TRDN: variants seen among roughly 807,000 people sequenced by gnomAD.
TRDN encodes the protein triadin in skeletal muscle.
A neutral mutation model predicts 149.7 loss-of-function variants in TRDN; 161 were observed. The observed-to-expected ratio is 1.08, with a 90% CI of 0.95 to 1.23. TRDN has a LOEUF of 1.23. Among genes scored for constraint, TRDN ranks in the 50% most tolerant of loss-of-function variants. The probability of loss-of-function intolerance (pLI) is 0.00; values close to 1 mark genes in which losing one functional copy is unlikely to be tolerated. For synonymous variants in TRDN, 294 were observed against 250.5 expected (o/e 1.17, Z -1.64); for missense variants, 896 against 823.5 (o/e 1.09, Z -1.08).
At chr6:123,556,000 G>A (rs1022864584) in intron 2 of TRDN, among the ~76,000 whole-genome samples, 12 of 151,968 alleles carry the variant, frequency 7.9e-5, no homozygotes, top group African/African-American at 2.9e-4. Context: ...AACTAAATAT[G>A]TAGGATAAAA....
intron 27 of TRDN, 99 bp downstream of exon 27, chr6:123,274,542 A>C (rs2114618679): frequency 9.9e-7 from 1 of 1,014,814 alleles, no homozygotes. Context: ...CTTGGAGACT[A>C]TGTGCATGTC....
intron 24 of TRDN, 130 bp downstream of exon 24, chr6:123,316,327 C>A (rs1779019583): frequency 2.4e-6 from 2 of 823,634 alleles, no homozygotes; most frequent in Non-Finnish European, 4.0e-6. Flanking sequence ...TGGCACATAG[C>A]ATCAGTATTT....
chr6:123,272,945 A>G lies in TRDN; in HGVS notation c.1672+19T>C, dbSNP rs766887112. On this transcript the variant is annotated intron_variant, in intron 29 of 40. Transcript: ENST00000334268. ...CATTGAGAGGTTATTTGAGACTACA[A>G]ATACCACCTGCAAAATACCTGGTTT... is the stretch of plus-strand genomic sequence containing the variant. 4.0e-6 allele frequency: 6 copies of G among 1,516,026 alleles called. No homozygotes were observed. 93.9% of individuals were successfully genotyped at this position (1,516,026 alleles called of 1,614,324 possible).
chr6:123,589,388 AG>A (rs5879688), intron 1 of TRDN, among the ~76,000 whole-genome samples: 41,651 of 152,098 alleles, frequency 0.27, 6,208 homozygotes, highest in East Asian at 0.54. Flanking sequence ...AACTTTACCT[AG>A]CCCCAGCATT....
chr6:123,297,159 T>C (rs1182482249), intron 24 of TRDN, among the ~76,000 whole-genome samples: 1 of 152,060 alleles, frequency 6.6e-6, no homozygotes. Flanking sequence ...CCATTATTTT[T>C]AAAGTTTTTT....
chr6:123,393,545 A>G, intron 13 of TRDN, 79 bp downstream of exon 13: 1 of 1,357,184 alleles, frequency 7.4e-7, no homozygotes, highest in Non-Finnish European at 1.0e-6. Context: ...TTCTGCAATA[A>G]ACAGCTTTTG....
At chr6:123,561,194 G>A (rs556274416) in intron 2 of TRDN, among the ~76,000 whole-genome samples, 34 of 152,208 alleles carry the variant, frequency 2.2e-4, no homozygotes, top group African/African-American at 6.5e-4. Flanking sequence ...TATACAGTCC[G>A]ATAGTGGACT....
chr6:123,618,981 A>G (rs1785243047), intron 1 of TRDN, among the ~76,000 whole-genome samples: 2 of 152,196 alleles, frequency 1.3e-5, no homozygotes, highest in Admixed American at 6.6e-5. Flanking sequence ...AAATAAATCA[A>G]TGATGAAACT....
chr6:123,265,862 A>C (rs1776934222), intron 32 of TRDN, among the ~76,000 whole-genome samples: 1 of 147,170 alleles, frequency 6.8e-6, no homozygotes, highest in Middle Eastern at 3.4e-3. Context: ...AAAAAATCGT[A>C]AAGACATTCT....
chr6:123,563,207 A>C (rs1782094177), intron 2 of TRDN, among the ~76,000 whole-genome samples: 1 of 152,246 alleles, frequency 6.6e-6, no homozygotes, highest in South Asian at 2.1e-4. Context: ...AAATAGATGT[A>C]TATTTCACCT....
chr6:123,402,665 C>T (rs192013565), intron 12 of TRDN, among the ~76,000 whole-genome samples: 1 of 152,154 alleles, frequency 6.6e-6, no homozygotes, highest in Non-Finnish European at 1.5e-5. Flanking sequence ...TAAAAGTGTC[C>T]ATGATTGTCT....
At chr6:123,597,389 T>TA (rs1784086586) in intron 1 of TRDN, among the ~76,000 whole-genome samples, 3 of 152,102 alleles carry the variant, frequency 2.0e-5, no homozygotes, top group Admixed American at 2.0e-4. Context: ...CTACTGCTGG[T>TA]AAAGATGCTG....
chr6:123,256,529 T>A (rs1478623532), intron 35 of TRDN, among the ~76,000 whole-genome samples: 1 of 152,198 alleles, frequency 6.6e-6, no homozygotes, highest in East Asian at 1.9e-4. Flanking sequence ...TCATTCTAAC[T>A]GGTGTGAGAT....
intron 23 of TRDN, among the ~76,000 whole-genome samples, chr6:123,324,496 A>G (rs1350983557): frequency 2.0e-5 from 3 of 151,986 alleles, no homozygotes; most frequent in Admixed American, 1.3e-4. Context: ...AAACAAAAAA[A>G]CCTTCAAGGA....
chr6:123,534,578 G>A (rs930160395), intron 4 of TRDN, among the ~76,000 whole-genome samples: 1 of 152,082 alleles, frequency 6.6e-6, no homozygotes, highest in African/African-American at 2.4e-5. Flanking sequence ...TTTCTCATAG[G>A]GAGGCAATGC....
chr6:123,548,824 G>A (rs1422631754), intron 2 of TRDN, among the ~76,000 whole-genome samples: 1 of 151,856 alleles, frequency 6.6e-6, no homozygotes. Context: ...ATGCCCTTGG[G>A]AAGTTTATAA....
Position 123,271,039 on chromosome 6 carries a change from C to CTGTGTG in TRDN, c.1720+94_1720+99dup, listed in dbSNP as rs35914221. On this transcript the variant is annotated intron_variant, in intron 30 of 40. Coordinates refer to ENST00000334268, the MANE Select transcript of TRDN (RefSeq NM_006073.4). ...AAAGCCTACACACTTCAGTGAAGGG[C>CTGTGTG]TGTGTGTGTGTGTGTGTGTGTGTGT... 0.04 allele frequency: 16,836 copies of CTGTGTG among 418,604 alleles called. 1,270 individuals are homozygous for CTGTGTG. The highest frequency in any genetic ancestry group is 0.24 in the African/African-American group (11,730 of 48,216). 25.9% of individuals were successfully genotyped at this position (418,604 alleles called of 1,614,324 possible). A position where few individuals can be genotyped will look rare whatever the true frequency, so the allele number is the denominator to read the frequency against.
intron 38 of TRDN, among the ~76,000 whole-genome samples, chr6:123,228,497 A>G (rs1582745826): frequency 6.6e-6 from 1 of 151,962 alleles, no homozygotes; most frequent in Middle Eastern, 3.2e-3. Flanking sequence ...AGGGAGAAGA[A>G]GAATGAGAAC....
intron 4 of TRDN, among the ~76,000 whole-genome samples, chr6:123,535,525 A>G (rs1421233349): frequency 6.6e-6 from 1 of 152,176 alleles, no homozygotes; most frequent in Non-Finnish European, 1.5e-5. Context: ...TTTGAAATCC[A>G]AAGAAAACAT....
Sources: gnomAD v4.1 joint callset for allele counts (sites outside exome capture counted in the v4.1 genomes callset) on GRCh38, gnomAD v4.1.1 for gene constraint, MANE v1.5 for transcripts, NCBI Gene and HGNC (gene_info 2026-07-23, HGNC 2026-07-21) for gene names.